ATXN10: variants seen among roughly 807,000 people sequenced by gnomAD.
ATXN10 encodes the protein ataxin-10.
ATXN10 carries 28 observed loss-of-function variants against 52.9 expected under a neutral mutation model. The observed-to-expected ratio is 0.53, with a 90% CI of 0.39 to 0.73. The LOEUF is 0.73. Among genes scored for constraint, ATXN10 ranks in the 30% least tolerant of loss-of-function variants. The pLI is 0.00. For missense variants in ATXN10, 565 were observed against 577.0 expected (o/e 0.98, Z 0.21); for synonymous variants, 226 against 221.5 (o/e 1.02, Z -0.18).
At chr22:45,697,804 G>C (rs1923676780) in intron 3 of ATXN10, among the ~76,000 whole-genome samples, 1 of 151,932 alleles carries the variant, frequency 6.6e-6, no homozygotes, top group Admixed American at 6.6e-5. Flanking sequence ...CTAATTTTTT[G>C]TATTTTTAGT....
intron 10 of ATXN10, among the ~76,000 whole-genome samples, chr22:45,808,000 T>A (rs1928158966): frequency 6.6e-6 from 1 of 152,254 alleles, no homozygotes; most frequent in African/African-American, 2.4e-5. Context: ...TGCTTATTAT[T>A]TGTGCTGAAG....
chr22:45,817,763 G>A (rs987148580), intron 10 of ATXN10, among the ~76,000 whole-genome samples: 1 of 152,128 alleles, frequency 6.6e-6, no homozygotes, highest in East Asian at 1.9e-4. Flanking sequence ...GCCTCCCAGG[G>A]CCCTGTATGA....
At position 45,678,050 on chromosome 22, in the gene ATXN10, A is replaced by AT. The variant is rs1922771925; in HGVS notation, c.116+5873dup. 1 of 152,194 alleles carries AT rather than the reference A, an allele frequency of 6.6e-6. No homozygotes were observed. The highest frequency in any genetic ancestry group is 2.1e-4 in the South Asian group (1 of 4,832). 9.4% of individuals were successfully genotyped at this position (152,194 alleles called of 1,614,324 possible). On this transcript the variant is annotated intron_variant, in intron 1 of 11. Transcript: ENST00000252934. The surrounding 1 kb of genome is among the most constrained non-coding windows in gnomAD (Gnocchi z 4.1). ...ACAAACTTGTAGAGACAGAAAGTAG[A>AT]TTAGAGGTTACTAGGATTTGGAGAG... is the stretch of plus-strand genomic sequence containing the variant.
At chr22:45,773,815 A>G (rs898587216) in intron 9 of ATXN10, among the ~76,000 whole-genome samples, 1 of 152,040 alleles carries the variant, frequency 6.6e-6, no homozygotes, top group African/African-American at 2.4e-5. Context: ...AGAAAAACAA[A>G]ACCACAGAAA....
At chr22:45,699,931 C>G (rs1206169525) in intron 3 of ATXN10, among the ~76,000 whole-genome samples, 1 of 150,896 alleles carries the variant, frequency 6.6e-6, no homozygotes, top group African/African-American at 2.4e-5. Flanking sequence ...ACTGCAACCT[C>G]TGCCTCCCAG....
chr22:45,779,997 G>T (rs989591947), intron 9 of ATXN10, among the ~76,000 whole-genome samples: 2 of 152,034 alleles, frequency 1.3e-5, no homozygotes, highest in Non-Finnish European at 2.9e-5. Context: ...TTAAACATTT[G>T]AAGTTAATGT....
At chr22:45,692,678 T>C (rs956435600) in intron 2 of ATXN10, among the ~76,000 whole-genome samples, 5 of 152,232 alleles carry the variant, frequency 3.3e-5, no homozygotes, top group African/African-American at 1.2e-4. Flanking sequence ...TTACATCTTT[T>C]GCACTTTGTG....
In ATXN10 at chr22:45,678,300, C is replaced by T. The variant is rs1024611806; in HGVS notation, c.116+6121C>T. 1.1e-4 allele frequency: 16 copies of T among 152,180 alleles called. No homozygotes were observed. Among genetic ancestry groups the T allele is most frequent in the South Asian group, 2.1e-4 (1 of 4,816 alleles). 9.4% of individuals were successfully genotyped at this position (152,180 alleles called of 1,614,324 possible). A position where few individuals can be genotyped will look rare whatever the true frequency, so the allele number is the denominator to read the frequency against. ...ATGTACCAAAATCCATTTAATTGTA[C>T]GCTTTAAGTGGGTGACTTTAGTGTG... On this transcript the variant is annotated intron_variant, in intron 1 of 11. Transcript: ENST00000252934. The surrounding 1 kb of genome is among the most constrained non-coding windows in gnomAD (Gnocchi z 4.1).
At chr22:45,777,479 A>T (rs1927000622) in intron 9 of ATXN10, among the ~76,000 whole-genome samples, 1 of 152,162 alleles carries the variant, frequency 6.6e-6, no homozygotes, top group African/African-American at 2.4e-5. Context: ...GTTGGGAGAG[A>T]GCTTGCATAT....
intron 9 of ATXN10, among the ~76,000 whole-genome samples, chr22:45,776,088 ATGTCCTC>A (rs1301253879): frequency 1.3e-5 from 2 of 152,172 alleles, no homozygotes; most frequent in African/African-American, 4.8e-5. Context: ...TTTAGTTTTC[ATGTCCTC>A]GAAATCAAGA....
At chr22:45,793,310 G>A (rs136002) in intron 9 of ATXN10, 146,629 of 171,808 alleles carry the variant, frequency 0.85, 62,791 homozygotes, top group African/African-American at 0.93. Flanking sequence ...GACAACATCA[G>A]TCCAGAGTGT....
chr22:45,713,348 T>G (rs2146767819), intron 5 of ATXN10, among the ~76,000 whole-genome samples: 1 of 152,340 alleles, frequency 6.6e-6, no homozygotes, highest in South Asian at 2.1e-4. Context: ...ATTTTGTTTT[T>G]TGGCAAGTGT....
rs1269358873 is a variant in ATXN10, at chr22:45,819,768, G to C, written c.1237+12746G>C. On this transcript the variant is annotated intron_variant, in intron 10 of 11. Coordinates refer to ENST00000252934, the MANE Select transcript of ATXN10 (RefSeq NM_013236.4). This position sits in a 1 kb window ranked among gnomAD's most constrained non-coding sequence, Gnocchi z 4.5. ...TAATTATTTGCCAATTTTTCTTTTTGCATTAGATTAATTAAAAACAGCAGT... is the reference window on the plus strand; with the variant it reads ...TAATTATTTGCCAATTTTTCTTTTTCCATTAGATTAATTAAAAACAGCAGT... 6.6e-6 allele frequency among the ~76,000 whole-genome samples: 1 copy of C among 151,990 alleles called. No individual in the cohort carries two copies. The highest frequency in any genetic ancestry group is 1.9e-4 in the East Asian group (1 of 5,204).
At chr22:45,830,911 A>G (rs894866719) in intron 10 of ATXN10, among the ~76,000 whole-genome samples, 1 of 152,224 alleles carries the variant, frequency 6.6e-6, no homozygotes, top group African/African-American at 2.4e-5. Flanking sequence ...GTATTTGTAC[A>G]CCATGTTCCT....
At position 45,690,155 on chromosome 22, in the gene ATXN10, A is replaced by G. The variant is rs527368256; in HGVS notation, c.308+252A>G. The stretch of plus-strand genomic sequence containing the variant: ...GCTGGACATGGTGGCGCACACCTGT[A>G]GTCCCAACTGCTCAGGAGACTGAGG... On this transcript the variant is annotated intron_variant, in intron 2 of 11. Transcript: ENST00000252934. This position sits in a 1 kb window ranked among gnomAD's most constrained non-coding sequence, Gnocchi z 4.5. Among the ~76,000 whole-genome samples, 1 of 152,104 alleles carries G rather than the reference A, an allele frequency of 6.6e-6. No homozygotes were observed. The highest frequency in any genetic ancestry group is 1.5e-5 in the Non-Finnish European group (1 of 68,016).
In ATXN10 at chr22:45,841,933, G is replaced by A. The variant is rs1169850538; in HGVS notation, c.1238-1058G>A. On this transcript the variant is annotated intron_variant, in intron 10 of 11. Transcript: ENST00000252934. This position sits in a 1 kb window ranked among gnomAD's most constrained non-coding sequence, Gnocchi z 5.1. ...ACCTTGTGGGGACACTGACTCCCTGGTTCTGGCATTGGCAGTGCCCGAGTG... is the reference window on the plus strand; with the variant it reads ...ACCTTGTGGGGACACTGACTCCCTGATTCTGGCATTGGCAGTGCCCGAGTG... 6.6e-6 allele frequency among the ~76,000 whole-genome samples: 1 copy of A among 152,212 alleles called. No individual in the cohort carries two copies.
intron 10 of ATXN10, chr22:45,811,606 C>T: frequency 2.4e-6 from 1 of 418,428 alleles, no homozygotes; most frequent in Non-Finnish European, 4.9e-6. Context: ...ACCATACCGC[C>T]TGGGTGTGTA....
rs1053475231 is a variant in ATXN10, at chr22:45,756,873, A to G, written c.1173+16335A>G. 4.6e-5 allele frequency among the ~76,000 whole-genome samples: 7 copies of G among 152,222 alleles called. 1 individual carries two copies. The highest frequency in any genetic ancestry group is 1.0e-4 in the Non-Finnish European group (7 of 68,040). On this transcript the variant is annotated intron_variant, in intron 9 of 11. Transcript: ENST00000252934. ...TGATAATATTGAATATATCCACTGG[A>G]AAAATCCAAGAGGAACCTTTAAATG...
chr22:45,703,619 A>G (rs902338743), intron 5 of ATXN10, among the ~76,000 whole-genome samples: 1 of 152,164 alleles, frequency 6.6e-6, no homozygotes, highest in Non-Finnish European at 1.5e-5. Context: ...ACAACAATCT[A>G]CTTTTAGGTT....
Sources: allele counts gnomAD v4.1 joint callset (sites outside exome capture counted in the v4.1 genomes callset), GRCh38; gene constraint gnomAD v4.1.1; non-coding constraint Gnocchi (gnomAD v3.1); transcripts MANE v1.5; gene names NCBI Gene and HGNC (gene_info 2026-07-23, HGNC 2026-07-21).